The following AP1G1 variants were observed in gnomAD, a reference collection of about 807,000 sequenced individuals.
AP1G1 encodes AP-1 complex subunit gamma-1.
A neutral mutation model predicts 108.3 loss-of-function variants in AP1G1; 7 were observed. That is an observed-to-expected ratio of 0.06 (90% CI 0.04 to 0.12). AP1G1 has a LOEUF of 0.12. AP1G1 is among the 10% of genes least tolerant of loss of function. The pLI, the probability that AP1G1 is intolerant of heterozygous loss-of-function variation, is 1.00. For synonymous variants in AP1G1, 379 were observed against 353.5 expected (o/e 1.07, Z -0.81); for missense variants, 756 against 1,010.7 (o/e 0.75, Z 3.42).
chr16:71,776,992 C>T (rs907771525), intron 2 of AP1G1, among the ~76,000 whole-genome samples: 2 of 150,450 alleles, frequency 1.3e-5, no homozygotes, highest in African/African-American at 4.9e-5. Flanking sequence ...GCCTGTAATC[C>T]CAGCTACTCG....
chr16:71,773,703 G>C (rs993918420), intron 3 of AP1G1, among the ~76,000 whole-genome samples: 1 of 152,104 alleles, frequency 6.6e-6, no homozygotes, highest in African/African-American at 2.4e-5. Context: ...AGCACTTTCA[G>C]AGGCCGAGGC....
chr16:71,802,273 T>C (rs1427335018), intron 1 of AP1G1, among the ~76,000 whole-genome samples: 3 of 152,152 alleles, frequency 2.0e-5, no homozygotes, highest in Non-Finnish European at 2.9e-5. Context: ...GTTTTTTACT[T>C]ACCTCTTTTT....
Position 71,730,396 on chromosome 16 carries a change from G to A in AP1G1, c.*2662C>T, listed in dbSNP as rs2045466030. On this transcript the variant is annotated 3_prime_UTR_variant, in exon 23 of 23. Coordinates refer to ENST00000299980, the MANE Select transcript of AP1G1 (RefSeq NM_001128.6). Reference sequence around the variant, plus strand: ...GAAATTGTCAAAGTAAGTGTGTGAGGGCTCACTGCTTATCACCCCAGGGTT... The same window carrying A: ...GAAATTGTCAAAGTAAGTGTGTGAGAGCTCACTGCTTATCACCCCAGGGTT... 1 of 152,160 alleles carries A rather than the reference G, an allele frequency of 6.6e-6. No individual in the cohort carries two copies. The highest frequency in any genetic ancestry group is 6.6e-5 in the Admixed American group (1 of 15,258). The allele number at this position is 152,160 out of a possible 1,614,324, so 9.4% of individuals were successfully genotyped here. A position where few individuals can be genotyped will look rare whatever the true frequency, so the allele number is the denominator to read the frequency against.
chr16:71,741,587 A>C (rs1329154021), intron 19 of AP1G1, among the ~76,000 whole-genome samples: 2 of 152,244 alleles, frequency 1.3e-5, no homozygotes, highest in Non-Finnish European at 2.9e-5. Flanking sequence ...CATCTCAAAA[A>C]CAAAAACAAG....
At position 71,776,778 on chromosome 16, in the gene AP1G1, T is replaced by C. The variant is rs111372037; in HGVS notation, c.202-2186A>G. Among the ~76,000 whole-genome samples, 858 of 152,210 alleles carry C rather than the reference T, an allele frequency of 5.6e-3. 17 individuals are homozygous for C. The highest frequency in any genetic ancestry group is 0.02 in the African/African-American group (816 of 41,534). ...TAGGGTCAAGTGTGGTTTTTTTGTT[T>C]TGGTTTTTTTTGCACGACCATTTCT... On this transcript the variant is annotated intron_variant, in intron 2 of 22. Coordinates refer to ENST00000299980, the MANE Select transcript of AP1G1 (RefSeq NM_001128.6).
At chr16:71,808,476 G>T in intron 1 of AP1G1, 4 of 1,229,828 alleles carry the variant, frequency 3.3e-6, no homozygotes, top group Non-Finnish European at 4.2e-6. Flanking sequence ...CGCAGCCTGA[G>T]AAAGTCAAGG....
At chr16:71,784,757 C>T (rs186898204) in intron 2 of AP1G1, among the ~76,000 whole-genome samples, 21 of 151,766 alleles carry the variant, frequency 1.4e-4, no homozygotes, top group African/African-American at 4.8e-4. Flanking sequence ...CAGAGTTTCA[C>T]CATGTTGGCC....
intron 13 of AP1G1, 27 bp from the exon 14 acceptor site, chr16:71,750,359 C>G (rs1367068976): frequency 2.5e-6 from 4 of 1,611,890 alleles, no homozygotes; most frequent in Non-Finnish European, 3.4e-6. Flanking sequence ...ACAATTACCC[C>G]TAGAAACACA....
intron 2 of AP1G1, among the ~76,000 whole-genome samples, chr16:71,787,435 G>A (rs1311683771): frequency 6.6e-6 from 1 of 151,930 alleles, no homozygotes; most frequent in Non-Finnish European, 1.5e-5. Flanking sequence ...AGGTGACAGT[G>A]AGCCATCACA....
chr16:71,792,817 G>A (rs1459380408), intron 1 of AP1G1, among the ~76,000 whole-genome samples: 1 of 151,552 alleles, frequency 6.6e-6, no homozygotes, highest in African/African-American at 2.4e-5. Flanking sequence ...TCGCACCACT[G>A]CACTCCAGCC....
At chr16:71,768,192 T>TA (rs10610445) in intron 6 of AP1G1, among the ~76,000 whole-genome samples, 81 of 99,786 alleles carry the variant, frequency 8.1e-4, no homozygotes, top group African/African-American at 2.3e-3. Flanking sequence ...AATACTAGTT[T>TA]AAAAAAAAAA....
chr16:71,783,967 T>C (rs2032112597), intron 2 of AP1G1, among the ~76,000 whole-genome samples: 1 of 152,200 alleles, frequency 6.6e-6, no homozygotes, highest in Non-Finnish European at 1.5e-5. Flanking sequence ...TTAATATTTC[T>C]GGGTTGTGCT....
chr16:71,790,474 C>T (rs1199755864), intron 1 of AP1G1, among the ~76,000 whole-genome samples: 1 of 150,602 alleles, frequency 6.6e-6, no homozygotes, highest in Non-Finnish European at 1.5e-5. Context: ...TTTCAGTGAG[C>T]CAAGATTGCA....
intron 12 of AP1G1, 141 bp from the exon 13 acceptor site, chr16:71,754,028 C>T: frequency 1.3e-6 from 1 of 749,818 alleles, no homozygotes; most frequent in Non-Finnish European, 2.3e-6. Context: ...CACCTGAGCT[C>T]AGGAGTTCGA....
rs370862295 is a variant in AP1G1 at position 71,789,468 on chromosome 16, G to A, written c.12C>T (p.Pro4=). 1.2e-6 allele frequency: 2 copies of A among 1,613,976 alleles called. No homozygotes were observed. Among genetic ancestry groups the A allele is most frequent in the Non-Finnish European group, 8.5e-7 (1 of 1,180,036 alleles). MPA[P]IRLRELIRTI... ...TCCGGATCAGCTCCCGCAATCTGAT[G>A]GGGGCTGGCATCCTCTGGATATGGA... Residue 4 remains proline (P), a synonymous_variant, in exon 2 of 23, where the codon CCC becomes CCT. Coordinates refer to ENST00000299980, the MANE Select transcript of AP1G1 (RefSeq NM_001128.6).
chr16:71,740,740 A>C (rs559800432), intron 19 of AP1G1, among the ~76,000 whole-genome samples: 8 of 152,370 alleles, frequency 5.3e-5, no homozygotes, highest in Non-Finnish European at 1.0e-4. Context: ...CAAGAAATGC[A>C]CAGGAATGGC....
intron 2 of AP1G1, among the ~76,000 whole-genome samples, chr16:71,786,626 A>C (rs1193937262): frequency 2.0e-5 from 3 of 152,026 alleles, no homozygotes; most frequent in Non-Finnish European, 4.4e-5. Flanking sequence ...ATGCCCAGCT[A>C]ATTTTTGTAT....
chr16:71,767,467 G>A (rs553739078), intron 6 of AP1G1, among the ~76,000 whole-genome samples: 17 of 152,198 alleles, frequency 1.1e-4, no homozygotes, highest in African/African-American at 3.4e-4. Context: ...CAGTACATAC[G>A]GAGCTTTTTA....
chr16:71,771,338 A>G (rs1351037266), intron 4 of AP1G1, 86 bp from the exon 5 acceptor site: 1 of 726,110 alleles, frequency 1.4e-6, no homozygotes, highest in African/African-American at 1.8e-5. Flanking sequence ...CAACACAAAA[A>G]TCTCACCAAC....
Sources: allele counts gnomAD v4.1 joint callset (sites outside exome capture counted in the v4.1 genomes callset), GRCh38; gene constraint gnomAD v4.1.1; transcripts MANE v1.5; gene names NCBI Gene and HGNC (gene_info 2026-07-23, HGNC 2026-07-21).